The following FGF13 variants were observed in gnomAD, a reference collection of about 807,000 sequenced individuals.
FGF13 encodes fibroblast growth factor 13.
In FGF13, 2 loss-of-function variants were observed where a neutral mutation model predicts 19.5. That is an observed-to-expected ratio of 0.10 (90% CI 0.04 to 0.32). The LOEUF (loss-of-function observed/expected upper bound fraction) is 0.32, where lower values mean the gene tolerates loss of function less well. Ranked by LOEUF, FGF13 falls within the 10% of genes least tolerant of loss-of-function variation. The pLI is 1.00. For missense variants in FGF13, 113 were observed against 192.7 expected (o/e 0.59, Z 2.45); for synonymous variants, 72 against 76.9 (o/e 0.94, Z 0.33).
rs188821805 is a variant in FGF13 at position 139,048,450 on chromosome X, T to C, written c.-113+154966A>G. 2.4e-3 allele frequency among the ~76,000 whole-genome samples: 262 copies of C among 111,036 alleles called. 4 individuals are homozygous for C. The highest frequency in any genetic ancestry group is 8.3e-3 in the African/African-American group (252 of 30,459). On this transcript the variant is annotated intron_variant, in intron 1 of 2. Transcript: ENST00000421460. Reference sequence around the variant, plus strand: ...CAATTGCAGCACCTGTGTTCTTCCATAGAAACTTTAGAATCATGATCTTAA... The same window carrying C: ...CAATTGCAGCACCTGTGTTCTTCCACAGAAACTTTAGAATCATGATCTTAA...
Position 138,984,501 on chromosome X carries a change from G to A in FGF13, c.-112-119851C>T, listed in dbSNP as rs685928. On this transcript the variant is annotated intron_variant, in intron 1 of 2. Coordinates refer to the FGF13 transcript ENST00000421460. ...GAAGGAGAAGAAGGAGAAGGAGAAG[G>A]AGAAGAAGAGGAAGAAGAAGAGGAA... is the stretch of plus-strand genomic sequence containing the variant. Among the ~76,000 whole-genome samples, 133 of 20,894 alleles carry A rather than the reference G, an allele frequency of 6.4e-3. 3 individuals are homozygous for A. The highest frequency in any genetic ancestry group is 0.061 in the Middle Eastern group (2 of 33). The allele number at this position is 20,894 out of a possible 115,157, so 18.1% of individuals were successfully genotyped here.
chrX:139,050,739 G>A (rs1194925855), intron 1 of FGF13, among the ~76,000 whole-genome samples: 1 of 111,997 alleles, frequency 8.9e-6, no homozygotes, highest in Non-Finnish European at 1.9e-5. Context: ...TCATGCACGT[G>A]TTTTTTAGTC....
At chrX:139,133,725 T>C (rs2083779288) in intron 1 of FGF13, among the ~76,000 whole-genome samples, 1 of 111,113 alleles carries the variant, frequency 9.0e-6, no homozygotes, top group Non-Finnish European at 1.9e-5. Flanking sequence ...TCAACACACA[T>C]GTGGACAACA....
intron 3 of FGF13, among the ~76,000 whole-genome samples, chrX:138,744,967 T>A (rs1163412971): frequency 8.9e-6 from 1 of 111,920 alleles, no homozygotes; most frequent in African/African-American, 3.2e-5. Flanking sequence ...AAGAAACAAA[T>A]CTAAACAAGT....
At chrX:138,774,884 A>G (rs893514395) in intron 3 of FGF13, among the ~76,000 whole-genome samples, 4 of 112,631 alleles carry the variant, frequency 3.6e-5, no homozygotes, top group African/African-American at 1.3e-4. Context: ...CATTAAACTT[A>G]ATAGAATATG....
In FGF13 at chrX:138,680,815, G is replaced by C. The variant is rs754867499; in HGVS notation, c.402+22169C>G. Among the ~76,000 whole-genome samples, 57 of 111,030 alleles carry C rather than the reference G, an allele frequency of 5.1e-4. 1 individual carries two copies. The highest frequency in any genetic ancestry group is 1.7e-3 in the African/African-American group (51 of 30,544). On this transcript the variant is annotated intron_variant, in intron 3 of 4. Coordinates refer to ENST00000315930, the MANE Select transcript of FGF13 (RefSeq NM_004114.5). ...AAGCTTTGAAGCCAGATATTGACTT[G>C]TCTCTAGCCACGAAACCCCTGGGTG...
chrX:139,030,834 T>A lies in FGF13; in HGVS notation c.-112-166184A>T, dbSNP rs146595981. ...CTTCTTATGATTTAGCCTACAAAGT[T>A]GTGCATTGTCACTTCTGCCACATTC... On this transcript the variant is annotated intron_variant, in intron 1 of 2. Transcript: ENST00000421460. Among the ~76,000 whole-genome samples, 137 of 112,276 alleles carry A rather than the reference T, an allele frequency of 1.2e-3. 5 individuals carry two copies. The East Asian group carries it at 0.026, about 21-fold the overall frequency.
Position 138,839,872 on chromosome X carries a change from C to T in FGF13, c.217+17640G>A, listed in dbSNP as rs572317647. 6.3e-5 allele frequency among the ~76,000 whole-genome samples: 7 copies of T among 111,851 alleles called. No homozygotes were observed. The South Asian group carries it at 2.2e-3, about 36-fold the overall frequency. On this transcript the variant is annotated intron_variant, in intron 3 of 6. Coordinates refer to the FGF13 transcript ENST00000436198. ...ATCACATTATATTTTTTAACACCTA[C>T]TGGGGTTTTCAGTTCTGCCTTACCT...
intron 3 of FGF13, among the ~76,000 whole-genome samples, chrX:138,809,535 C>T (rs1191710104): frequency 9.0e-6 from 1 of 111,668 alleles, no homozygotes; most frequent in Non-Finnish European, 1.9e-5. Context: ...AAAACTGGCA[C>T]AAGGCAGGGA....
chrX:138,894,499 T>C (rs943273963), intron 1 of FGF13, among the ~76,000 whole-genome samples: 2 of 110,865 alleles, frequency 1.8e-5, no homozygotes, highest in African/African-American at 3.3e-5. Flanking sequence ...CCCACAGAAA[T>C]ACAAACTATG....
intron 1 of FGF13, among the ~76,000 whole-genome samples, chrX:138,996,690 T>C (rs2092044628): frequency 8.9e-6 from 1 of 112,491 alleles, no homozygotes; most frequent in Non-Finnish European, 1.9e-5. Context: ...CAGGGACTTA[T>C]AGATAAAACC....
At chrX:138,920,048 A>C (rs1252387095) in intron 1 of FGF13, among the ~76,000 whole-genome samples, 1 of 111,549 alleles carries the variant, frequency 9.0e-6, no homozygotes, top group African/African-American at 3.3e-5. Context: ...AATTAAGAAG[A>C]GGGGAGAGTA....
At chrX:138,821,579 A>C (rs1178543958) in intron 3 of FGF13, among the ~76,000 whole-genome samples, 1 of 112,220 alleles carries the variant, frequency 8.9e-6, no homozygotes, top group Non-Finnish European at 1.9e-5. Context: ...TTCACTAAAT[A>C]TTTTTATAAT....
chrX:139,091,170 C>A (rs1293246886), intron 1 of FGF13, among the ~76,000 whole-genome samples: 1 of 110,616 alleles, frequency 9.0e-6, no homozygotes, highest in Non-Finnish European at 1.9e-5. Flanking sequence ...CAAACACAAA[C>A]CCTTCCTGGA....
upstream of FGF13, among the ~76,000 whole-genome samples, chrX:138,740,716 G>A (rs1298261986): frequency 8.9e-6 from 1 of 112,132 alleles, no homozygotes; most frequent in Non-Finnish European, 1.9e-5. Context: ...TTCTTTGGTA[G>A]GGCTACCTCC....
intron 1 of FGF13, among the ~76,000 whole-genome samples, chrX:139,032,821 T>C (rs1336728378): frequency 9.1e-6 from 1 of 109,596 alleles, no homozygotes; most frequent in Admixed American, 9.8e-5. Context: ...TTTATTCAGT[T>C]CTCTACCACC....
intron 1 of FGF13, among the ~76,000 whole-genome samples, chrX:138,981,331 ACACACACAC>A (rs2091962952): frequency 4.1e-5 from 4 of 98,549 alleles, no homozygotes; most frequent in Non-Finnish European, 8.7e-5. Context: ...ACACACACAC[ACACACACAC>A]ACACACACAC....
chrX:139,009,123 T>C (rs1401246565), intron 1 of FGF13, among the ~76,000 whole-genome samples: 1 of 111,603 alleles, frequency 9.0e-6, no homozygotes, highest in Non-Finnish European at 1.9e-5. Context: ...AAAAAAGAAT[T>C]TTAAAAAATT....
intron 1 of FGF13, among the ~76,000 whole-genome samples, chrX:138,930,565 C>T (rs2091696783): frequency 8.9e-6 from 1 of 111,925 alleles, no homozygotes; most frequent in African/African-American, 3.2e-5. Flanking sequence ...TTAATCTCTT[C>T]TATTTAAAGT....
Sources: allele counts gnomAD v4.1 joint callset (sites outside exome capture counted in the v4.1 genomes callset), GRCh38; gene constraint gnomAD v4.1.1; transcripts MANE v1.5; gene names NCBI Gene and HGNC (gene_info 2026-07-23, HGNC 2026-07-21).